The following L2HGDH variants were observed in gnomAD, a reference collection of about 807,000 sequenced individuals.
The protein encoded by L2HGDH is L-2-hydroxyglutarate dehydrogenase.
L2HGDH carries 34 observed loss-of-function variants against 51.5 expected under a neutral mutation model. That is an observed-to-expected ratio of 0.66 (90% CI 0.50 to 0.88). The LOEUF (loss-of-function observed/expected upper bound fraction) is 0.88. Among genes scored for constraint, L2HGDH ranks in the 40% least tolerant of loss-of-function variants. L2HGDH has a pLI of 0.00. For synonymous variants in L2HGDH, 198 were observed against 197.9 expected, an observed-to-expected ratio of 1.00 and a Z score of -0.01; for missense variants, 558 against 571.9, an observed-to-expected ratio of 0.98 and a Z score of 0.25.
At chr14:50,252,643 A>G (rs756054271) in intron 9 of L2HGDH, among the ~76,000 whole-genome samples, 3 of 152,118 alleles carry the variant, frequency 2.0e-5, no homozygotes, top group African/African-American at 4.8e-5. Context: ...AGCTATATTG[A>G]TATCAGACAA....
intron 1 of L2HGDH, among the ~76,000 whole-genome samples, chr14:50,308,978 A>G (rs2030891678): frequency 6.6e-6 from 1 of 151,988 alleles, no homozygotes; most frequent in Non-Finnish European, 1.5e-5. Flanking sequence ...CATGGATCTT[A>G]AGGATAGTAT....
intron 9 of L2HGDH, among the ~76,000 whole-genome samples, chr14:50,255,047 C>CAAAT (rs1888579547): frequency 6.6e-6 from 1 of 151,666 alleles, no homozygotes; most frequent in African/African-American, 2.4e-5. Context: ...GACCCTGTCT[C>CAAAT]AAATAAATAA....
chr14:50,284,292 A>G (rs1458582086), intron 4 of L2HGDH, among the ~76,000 whole-genome samples: 2 of 152,222 alleles, frequency 1.3e-5, no homozygotes, highest in Non-Finnish European at 2.9e-5. Context: ...GATTTTTCCC[A>G]GTAGTATATA....
At chr14:50,295,732 T>C (rs2029997449) in intron 3 of L2HGDH, among the ~76,000 whole-genome samples, 1 of 150,782 alleles carries the variant, frequency 6.6e-6, no homozygotes, top group South Asian at 2.1e-4. Context: ...CTACAATTTT[T>C]TTTTCATAGC....
intron 9 of L2HGDH, among the ~76,000 whole-genome samples, chr14:50,263,094 A>G (rs1889127674): frequency 6.6e-6 from 1 of 152,242 alleles, no homozygotes; most frequent in African/African-American, 2.4e-5. Flanking sequence ...TCAGGCTTCT[A>G]TAAAGGGTGG....
intron 6 of L2HGDH, among the ~76,000 whole-genome samples, chr14:50,272,283 C>T (rs1889739738): frequency 6.6e-6 from 1 of 152,252 alleles, no homozygotes; most frequent in Non-Finnish European, 1.5e-5. Context: ...TATATATCCA[C>T]TGGTATGCCA....
intron 6 of L2HGDH, among the ~76,000 whole-genome samples, chr14:50,275,748 A>T (rs1374078505): frequency 1.3e-5 from 2 of 152,190 alleles, no homozygotes; most frequent in Non-Finnish European, 2.9e-5. Flanking sequence ...AGTGACTAAT[A>T]TATGGTATTG....
intron 8 of L2HGDH, among the ~76,000 whole-genome samples, chr14:50,265,766 T>C (rs377452979): frequency 1.3e-5 from 2 of 151,882 alleles, no homozygotes; most frequent in South Asian, 2.1e-4. Flanking sequence ...ATACAAAAAT[T>C]AGACAGGTGT....
intron 9 of L2HGDH, among the ~76,000 whole-genome samples, chr14:50,260,764 C>T (rs765625962): frequency 3.3e-5 from 5 of 152,040 alleles, no homozygotes; most frequent in Admixed American, 6.6e-5. Context: ...CTGGCAATGT[C>T]GACATATTTT....
intron 3 of L2HGDH, among the ~76,000 whole-genome samples, chr14:50,296,169 C>A (rs1051895846): frequency 2.6e-5 from 4 of 151,630 alleles, no homozygotes; most frequent in African/African-American, 7.3e-5. Flanking sequence ...CTCAGGAGTT[C>A]GAGAACAGCC....
intron 6 of L2HGDH, among the ~76,000 whole-genome samples, chr14:50,272,874 C>G (rs1889775968): frequency 6.6e-6 from 1 of 151,970 alleles, no homozygotes; most frequent in Admixed American, 6.6e-5. Context: ...ACCAGTTGAC[C>G]AAAGAAGAAA....
intron 2 of L2HGDH, among the ~76,000 whole-genome samples, chr14:50,302,481 C>T (rs1170434513): frequency 6.6e-6 from 1 of 152,110 alleles, no homozygotes; most frequent in African/African-American, 2.4e-5. Context: ...GAGAAGGGCA[C>T]GGGGTGCTCA....
intron 5 of L2HGDH, among the ~76,000 whole-genome samples, chr14:50,283,364 A>G (rs969283791): frequency 3.3e-5 from 5 of 152,186 alleles, no homozygotes; most frequent in African/African-American, 1.2e-4. Flanking sequence ...TTCTACCAGC[A>G]CAAGACCCTC....
intron 6 of L2HGDH, among the ~76,000 whole-genome samples, chr14:50,276,147 A>C (rs1889969053): frequency 6.6e-6 from 1 of 152,214 alleles, no homozygotes; most frequent in South Asian, 2.1e-4. Flanking sequence ...ATTCCCATGT[A>C]CTGTTATAAA....
chr14:50,269,445 G>C, intron 6 of L2HGDH, 115 bp from the exon 7 acceptor site: 1 of 1,036,748 alleles, frequency 9.6e-7, no homozygotes, highest in South Asian at 1.4e-5. Context: ...TTTTCTAAAA[G>C]AGGATATTCA....
rs2029899900 is a variant in L2HGDH at position 50,294,202 on chromosome 14, G to T, written c.453C>A (p.Ala151=). 3 of 1,613,310 alleles carry T rather than the reference G, an allele frequency of 1.9e-6. No individual in the cohort carries two copies. The highest frequency in any genetic ancestry group is 2.5e-6 in the Non-Finnish European group (3 of 1,179,858). ...VEQEEIPRLQ[A]LYEKGLQNGV... ...CATTCTGGAGGCCTTTCTCATATAGGGCCTGAAGTCTGGGAATTTCTTCTT... is the reference window on the plus strand; with the variant it reads ...CATTCTGGAGGCCTTTCTCATATAGTGCCTGAAGTCTGGGAATTTCTTCTT... The change falls in exon 4 of 10, where the codon GCC becomes GCA. Residue 151 remains alanine, a synonymous_variant. Transcript: ENST00000267436.
chr14:50,282,591 C>CCCA, intron 5 of L2HGDH: 1 of 449,738 alleles, frequency 2.2e-6, no homozygotes, highest in Admixed American at 2.4e-5. Flanking sequence ...AAATCCAAAC[C>CCCA]CCACCACTCA....
chr14:50,286,248 G>T (rs1312900950), intron 4 of L2HGDH, among the ~76,000 whole-genome samples: 1 of 152,084 alleles, frequency 6.6e-6, no homozygotes, highest in Non-Finnish European at 1.5e-5. Flanking sequence ...CAGACCAGAG[G>T]GCAGAGTAGC....
intron 4 of L2HGDH, among the ~76,000 whole-genome samples, chr14:50,290,092 T>C (rs181098653): frequency 0.035 from 5,280 of 151,954 alleles, 297 homozygotes; most frequent in African/African-American, 0.12. Context: ...GGTGAAACCC[T>C]GTCTCTACTA....
Sources: allele counts gnomAD v4.1 joint callset (sites outside exome capture counted in the v4.1 genomes callset), GRCh38; gene constraint gnomAD v4.1.1; transcripts MANE v1.5; gene names NCBI Gene and HGNC (gene_info 2026-07-23, HGNC 2026-07-21).